The following SLC6A11 variants were observed in gnomAD, a reference collection of about 807,000 sequenced individuals.
The protein encoded by SLC6A11 is sodium- and chloride-dependent GABA transporter 3.
A neutral mutation model predicts 74.8 loss-of-function variants in SLC6A11; 25 were observed. That is an observed-to-expected ratio of 0.33 (90% CI 0.24 to 0.47). The LOEUF (loss-of-function observed/expected upper bound fraction) is 0.47, where lower values mean the gene tolerates loss of function less well. Among genes scored for constraint, SLC6A11 ranks in the 20% least tolerant of loss-of-function variants. The pLI is 1.00. For synonymous variants in SLC6A11, 330 were observed against 330.2 expected, an observed-to-expected ratio of 1.00 and a Z score of 0.01; for missense variants, 574 against 837.0, an observed-to-expected ratio of 0.69 and a Z score of 3.88.
Position 10,819,315 on chromosome 3 carries a change from G to A in SLC6A11, c.257-150G>A, listed in dbSNP as rs189132153. The A allele has an allele frequency of 7.2e-4, 539 of 752,806 alleles. 5 individuals carry two copies. The African/African-American group carries it at 8.9e-3, about 12-fold the overall frequency. 46.6% of individuals were successfully genotyped at this position (752,806 alleles called of 1,614,324 possible). A position where few individuals can be genotyped will look rare whatever the true frequency, so the allele number is the denominator to read the frequency against. On this transcript the variant is annotated intron_variant, in intron 1 of 13. Transcript: ENST00000254488. ...GGTAGACTTACAGAAACCTAGCGCT[G>A]TTTTCTGACTCTGGTCTTCATAATG...
intron 6 of SLC6A11, among the ~76,000 whole-genome samples, chr3:10,877,516 T>C (rs981544101): frequency 1.3e-5 from 2 of 152,188 alleles, no homozygotes; most frequent in African/African-American, 4.8e-5. Flanking sequence ...AGTCCAGGTT[T>C]TTAGTGAGGG....
intron 5 of SLC6A11, among the ~76,000 whole-genome samples, chr3:10,865,477 C>T (rs2106597392): frequency 6.6e-6 from 1 of 152,294 alleles, no homozygotes; most frequent in Admixed American, 6.5e-5. Flanking sequence ...TCCTGGCTAA[C>T]ACGGTGAAAC....
intron 6 of SLC6A11, among the ~76,000 whole-genome samples, chr3:10,896,122 G>A (rs1230641423): frequency 6.6e-6 from 1 of 152,230 alleles, no homozygotes; most frequent in Non-Finnish European, 1.5e-5. Flanking sequence ...GCCAGCTGTT[G>A]CAGCATTTCT....
intron 5 of SLC6A11, among the ~76,000 whole-genome samples, chr3:10,874,578 T>C (rs1694884950): frequency 1.3e-5 from 2 of 152,166 alleles, no homozygotes; most frequent in Non-Finnish European, 2.9e-5. Context: ...ATCCAATGCA[T>C]TGTTGTTGAC....
chr3:10,846,090 G>C (rs963799217), intron 5 of SLC6A11, among the ~76,000 whole-genome samples: 53 of 152,214 alleles, frequency 3.5e-4, no homozygotes, highest in Non-Finnish European at 1.6e-4. Context: ...TGAAATGCAA[G>C]GAGAGTTGAG....
chr3:10,835,274 G>A (rs545259987), intron 4 of SLC6A11, among the ~76,000 whole-genome samples: 1 of 152,334 alleles, frequency 6.6e-6, no homozygotes, highest in Admixed American at 6.5e-5. Flanking sequence ...CTTGAGTCCT[G>A]GGAGGAGGAG....
chr3:10,936,250 G>A (rs1407128782), intron 13 of SLC6A11, among the ~76,000 whole-genome samples: 1 of 152,232 alleles, frequency 6.6e-6, no homozygotes. Flanking sequence ...TGAAGAAACT[G>A]AAGTACTGAG....
chr3:10,834,281 C>T (rs1002524630), intron 4 of SLC6A11, among the ~76,000 whole-genome samples: 2 of 151,818 alleles, frequency 1.3e-5, no homozygotes, highest in Non-Finnish European at 2.9e-5. Flanking sequence ...GGTGCAGAGT[C>T]GGACTGCTGT....
chr3:10,886,722 G>A (rs954050360), intron 6 of SLC6A11, among the ~76,000 whole-genome samples: 21 of 151,360 alleles, frequency 1.4e-4, no homozygotes, highest in African/African-American at 5.1e-4. Flanking sequence ...CCGGAGAATT[G>A]CTTAAACCAG....
chr3:10,861,233 A>G (rs182328793), intron 5 of SLC6A11, among the ~76,000 whole-genome samples: 1 of 152,346 alleles, frequency 6.6e-6, no homozygotes, highest in Non-Finnish European at 1.5e-5. Flanking sequence ...ATGCATGAAG[A>G]GGCCGGGCAT....
At chr3:10,857,431 G>A (rs1012302842) in intron 5 of SLC6A11, among the ~76,000 whole-genome samples, 4 of 152,170 alleles carry the variant, frequency 2.6e-5, no homozygotes, top group Non-Finnish European at 5.9e-5. Context: ...TTTTGGGAAA[G>A]TGGAGGTGGC....
In SLC6A11 at chr3:10,816,332, G is replaced by A. The variant is rs1287782650; in HGVS notation, c.67G>A (p.Ala23Thr). The A allele has an allele frequency of 2.1e-6, 3 of 1,414,406 alleles. No individual in the cohort carries two copies. Among genetic ancestry groups the A allele is most frequent in the East Asian group, 3.0e-5 (1 of 32,910 alleles). 87.6% of individuals were successfully genotyped at this position (1,414,406 alleles called of 1,614,324 possible). Residue 23 changes from alanine (A) to threonine (T), a missense_variant, in exon 1 of 14, where the codon GCG (alanine) becomes ACG (threonine). Physicochemically the swap from Ala to Thr is moderately conservative, Grantham distance 58. Coordinates refer to ENST00000254488, the MANE Select transcript of SLC6A11 (RefSeq NM_014229.3). The surrounding 1 kb of genome is among the most constrained non-coding windows in gnomAD (Gnocchi z 4.2). ...KAAEEARESE[A>T]PGGGCSSGGA... ...TGCTGAGGAGGCGCGGGAGTCCGAGGCGCCGGGTGGCGGCTGCAGCAGCGG... is the reference window on the plus strand; with the variant it reads ...TGCTGAGGAGGCGCGGGAGTCCGAGACGCCGGGTGGCGGCTGCAGCAGCGG...
chr3:10,829,004 C>T (rs1481741713), intron 4 of SLC6A11, among the ~76,000 whole-genome samples: 1 of 151,936 alleles, frequency 6.6e-6, no homozygotes, highest in African/African-American at 2.4e-5. Flanking sequence ...TATTTCTTAC[C>T]CCCTTGGAGC....
chr3:10,919,508 G>A (rs1450439920), intron 8 of SLC6A11, among the ~76,000 whole-genome samples: 1 of 152,166 alleles, frequency 6.6e-6, no homozygotes, highest in African/African-American at 2.4e-5. Flanking sequence ...GGCTATTTAG[G>A]TTTGGCATGT....
intron 4 of SLC6A11, chr3:10,825,526 A>G (rs1045363239): frequency 2.8e-4 from 42 of 151,990 alleles, no homozygotes; most frequent in African/African-American, 8.7e-4. Context: ...TTTCTTATTT[A>G]TGGTGTACAG....
At chr3:10,822,985 G>A (rs569131769) in intron 3 of SLC6A11, among the ~76,000 whole-genome samples, 11 of 152,244 alleles carry the variant, frequency 7.2e-5, no homozygotes, top group South Asian at 2.1e-4. Flanking sequence ...AATGCTACTG[G>A]TGGGACTTAG....
chr3:10,934,220 C>A, intron 12 of SLC6A11, 54 bp downstream of exon 12: 1 of 1,258,400 alleles, frequency 7.9e-7, no homozygotes, highest in South Asian at 1.2e-5. Context: ...ATCTACCCTC[C>A]AACCCACGTT....
chr3:10,897,591 C>T (rs954709163), intron 6 of SLC6A11, among the ~76,000 whole-genome samples: 5 of 152,234 alleles, frequency 3.3e-5, no homozygotes, highest in Non-Finnish European at 7.3e-5. Flanking sequence ...CCAGGTCATG[C>T]TAATCCAAGA....
intron 5 of SLC6A11, among the ~76,000 whole-genome samples, chr3:10,873,750 ATCCTGTCCTGTCCTG>A (rs879308504): frequency 2.9e-5 from 4 of 139,198 alleles, no homozygotes; most frequent in South Asian, 2.3e-4. Flanking sequence ...GTCCCATGCT[ATCCTGTCCTGTCCTG>A]TCCTGTCCTG....
Sources: gnomAD v4.1 joint callset for allele counts (sites outside exome capture counted in the v4.1 genomes callset) on GRCh38, gnomAD v4.1.1 for gene constraint, Gnocchi (gnomAD v3.1) non-coding constraint, MANE v1.5 for transcripts, NCBI Gene and HGNC (gene_info 2026-07-23, HGNC 2026-07-21) for gene names.